Variants in LRRC4C observed in about 807,000 individuals in gnomAD.
The protein encoded by LRRC4C is leucine rich repeat containing 4C.
In LRRC4C, 5 loss-of-function variants were observed where a neutral mutation model predicts 33.6. The ratio of observed to expected loss-of-function variants is 0.15; its 90% confidence interval spans 0.08 to 0.31. LRRC4C has a LOEUF of 0.31. Ranked by LOEUF, LRRC4C falls within the 10% of genes least tolerant of loss-of-function variation. The pLI is 1.00. For missense variants in LRRC4C, 560 were observed against 796.7 expected, an observed-to-expected ratio of 0.70 and a Z score of 3.58; for synonymous variants, 329 against 302.0, an observed-to-expected ratio of 1.09 and a Z score of -0.93.
intron 2 of LRRC4C, among the ~76,000 whole-genome samples, chr11:40,845,486 C>A (rs1953115157): frequency 6.6e-6 from 1 of 152,272 alleles, no homozygotes; most frequent in East Asian, 1.9e-4. Flanking sequence ...CAGCTTCATC[C>A]ATGTCCCTGC....
intron 3 of LRRC4C, among the ~76,000 whole-genome samples, chr11:40,506,663 T>A (rs118155322): frequency 0.022 from 3,323 of 152,142 alleles, 47 homozygotes; most frequent in Middle Eastern, 0.045. Flanking sequence ...ATTCTAATGT[T>A]TATATACAAA....
intron 3 of LRRC4C, among the ~76,000 whole-genome samples, chr11:40,535,396 G>A (rs1279246549): frequency 6.6e-6 from 1 of 152,160 alleles, no homozygotes; most frequent in Admixed American, 6.5e-5. Flanking sequence ...TTGATTCACT[G>A]GTTGAAATCA....
intron 1 of LRRC4C, among the ~76,000 whole-genome samples, chr11:41,231,592 CA>C (rs11299799): frequency 0.039 from 5,168 of 132,708 alleles, 139 homozygotes; most frequent in African/African-American, 0.073. Flanking sequence ...CAGAGGGGAA[CA>C]ATCACATGCC....
At chr11:41,241,137 T>A (rs1446723763) in intron 1 of LRRC4C, among the ~76,000 whole-genome samples, 1 of 152,166 alleles carries the variant, frequency 6.6e-6, no homozygotes, top group Admixed American at 6.5e-5. Context: ...TTGAATGATA[T>A]CTCCTTTTAA....
intron 1 of LRRC4C, among the ~76,000 whole-genome samples, chr11:40,939,964 T>A (rs1396088451): frequency 6.6e-5 from 10 of 152,156 alleles, no homozygotes. Flanking sequence ...CAATCAGAGT[T>A]CAGTTCACAT....
intron 1 of LRRC4C, among the ~76,000 whole-genome samples, chr11:41,138,565 T>A (rs1943365756): frequency 6.6e-6 from 1 of 152,182 alleles, no homozygotes; most frequent in Admixed American, 6.5e-5. Context: ...GACATGAAAA[T>A]GATATCTAAG....
intron 5 of LRRC4C, among the ~76,000 whole-genome samples, chr11:40,162,244 G>A (rs925492044): frequency 3.3e-5 from 5 of 151,924 alleles, no homozygotes; most frequent in African/African-American, 1.2e-4. Flanking sequence ...CAGGGACTTA[G>A]TCTGCTTGAC....
chr11:41,008,624 C>A (rs2137492020), intron 1 of LRRC4C, among the ~76,000 whole-genome samples: 1 of 152,250 alleles, frequency 6.6e-6, no homozygotes, highest in African/African-American at 2.4e-5. Flanking sequence ...TTTTCCTAAT[C>A]TCAGCACCAT....
In LRRC4C at chr11:40,677,244, C is replaced by T. The variant is rs186029441; in HGVS notation, c.-406-28966G>A. ...CTACTAAAAATACAAAAATTAGCCGCGCATGGTGGCAGATACCTGTAATCC... is the reference window on the plus strand; with the variant it reads ...CTACTAAAAATACAAAAATTAGCCGTGCATGGTGGCAGATACCTGTAATCC... On this transcript the variant is annotated intron_variant, in intron 2 of 6. Coordinates refer to ENST00000528697, the MANE Select transcript of LRRC4C (RefSeq NM_001258419.2). Among the ~76,000 whole-genome samples the T allele has an allele frequency of 3.4e-4, 51 of 151,890 alleles. No homozygotes were observed. In the South Asian group the frequency reaches 5.0e-3, roughly 15 times the overall value.
At chr11:41,318,036 A>G (rs532517633) in intron 1 of LRRC4C, among the ~76,000 whole-genome samples, 2 of 152,346 alleles carry the variant, frequency 1.3e-5, no homozygotes, top group African/African-American at 2.4e-5. Flanking sequence ...AGAATACAAT[A>G]GAAATATGGA....
At chr11:40,167,219 G>A (rs1859669022) in intron 5 of LRRC4C, among the ~76,000 whole-genome samples, 1 of 152,120 alleles carries the variant, frequency 6.6e-6, no homozygotes, top group Non-Finnish European at 1.5e-5. Flanking sequence ...CAAAATTGGA[G>A]TTTCTTGAAA....
At chr11:40,734,049 T>C (rs1564990693) in intron 2 of LRRC4C, among the ~76,000 whole-genome samples, 3 of 152,138 alleles carry the variant, frequency 2.0e-5, no homozygotes, top group Non-Finnish European at 1.5e-5. Flanking sequence ...GCAATTATGA[T>C]TTTCAACTTT....
chr11:41,226,633 C>G (rs1555116182), intron 1 of LRRC4C, among the ~76,000 whole-genome samples: 1 of 151,868 alleles, frequency 6.6e-6, no homozygotes, highest in Non-Finnish European at 1.5e-5. Flanking sequence ...CTCCTCCTGT[C>G]TTTTCTAAGA....
intron 2 of LRRC4C, among the ~76,000 whole-genome samples, chr11:40,865,828 G>C (rs1361626695): frequency 6.6e-6 from 1 of 151,474 alleles, no homozygotes; most frequent in Admixed American, 6.6e-5. Flanking sequence ...GCATATTATA[G>C]AAAGGAAAAA....
chr11:41,154,010 C>T (rs1431627851), intron 1 of LRRC4C, among the ~76,000 whole-genome samples: 3 of 152,102 alleles, frequency 2.0e-5, no homozygotes, highest in African/African-American at 7.2e-5. Context: ...AGAAGATGCA[C>T]GCTGTAAGGA....
At chr11:41,215,688 T>A (rs1197698433) in intron 1 of LRRC4C, among the ~76,000 whole-genome samples, 1 of 152,150 alleles carries the variant, frequency 6.6e-6, no homozygotes, top group East Asian at 1.9e-4. Flanking sequence ...TTACATTTGA[T>A]CCATGCTATA....
chr11:40,763,405 T>C (rs1949315979), intron 2 of LRRC4C, among the ~76,000 whole-genome samples: 1 of 152,094 alleles, frequency 6.6e-6, no homozygotes, highest in Non-Finnish European at 1.5e-5. Context: ...GATGGCTGAA[T>C]AGAACTTTCT....
At chr11:41,082,343 G>A (rs947120008) in intron 1 of LRRC4C, among the ~76,000 whole-genome samples, 1 of 151,756 alleles carries the variant, frequency 6.6e-6, no homozygotes, top group South Asian at 2.1e-4. Context: ...TAGTTCAGAG[G>A]TTAGCAGCAT....
intron 1 of LRRC4C, among the ~76,000 whole-genome samples, chr11:41,275,436 G>T (rs2136880853): frequency 6.6e-6 from 1 of 152,272 alleles, no homozygotes; most frequent in African/African-American, 2.4e-5. Flanking sequence ...TTCAGTAAAT[G>T]ATTTCTATCA....
Sources: gnomAD v4.1 joint callset for allele counts (sites outside exome capture counted in the v4.1 genomes callset) on GRCh38, gnomAD v4.1.1 for gene constraint, MANE v1.5 for transcripts, NCBI Gene and HGNC (gene_info 2026-07-23, HGNC 2026-07-21) for gene names.